TXNDC9: variants seen among roughly 807,000 people sequenced by gnomAD.
TXNDC9 encodes the protein thioredoxin domain containing 9, also known as thioredoxin domain-containing protein 9.
A neutral mutation model predicts 23.0 loss-of-function variants in TXNDC9; 7 were observed. That is an observed-to-expected ratio of 0.30 (90% confidence interval 0.17 to 0.57). The LOEUF (loss-of-function observed/expected upper bound fraction) is 0.57, where lower values mean the gene tolerates loss of function less well. Among genes scored for constraint, TXNDC9 ranks in the 20% least tolerant of loss-of-function variants. The pLI is 0.90. For missense variants in TXNDC9, 198 were observed against 252.6 expected, an observed-to-expected ratio of 0.78 and a Z score of 1.47; for synonymous variants, 72 against 90.6, an observed-to-expected ratio of 0.79 and a Z score of 1.17.
At chr2:99,306,855 C>G in the TXNDC9 span, 1 of 443,672 alleles carries the variant, frequency 2.3e-6, no homozygotes, top group Non-Finnish European at 4.5e-6. Flanking sequence ...TATGATCACT[C>G]TCATGCTACA....
chr2:99,330,271 C>G (rs1483181243), intron 2 of TXNDC9, among the ~76,000 whole-genome samples: 1 of 93,370 alleles, frequency 1.1e-5, no homozygotes, highest in Non-Finnish European at 1.9e-5. Context: ...GCCGGGGCAA[C>G]AGAGCAAGAC....
chr2:99,326,764 T>C lies in TXNDC9; in HGVS notation c.308+771A>G, dbSNP rs564071263. 1.1e-4 allele frequency among the ~76,000 whole-genome samples: 16 copies of C among 152,276 alleles called. No homozygotes were observed. In the East Asian group the frequency reaches 3.1e-3, roughly 29 times the overall value. On this transcript the variant is annotated intron_variant, in intron 3 of 4. Transcript: ENST00000264255. ...GTCCCAACTCTGCTCTGGTGAAAGG[T>C]TTGGCCAAGCCACCATCTCCCCACC...
chr2:99,330,123 C>G (rs2094221313), intron 2 of TXNDC9, among the ~76,000 whole-genome samples: 1 of 151,552 alleles, frequency 6.6e-6, no homozygotes, highest in African/African-American at 2.4e-5. Context: ...AACCCCACCT[C>G]TACTAAAAAT....
intron 1 of TXNDC9, among the ~76,000 whole-genome samples, chr2:99,334,791 T>A (rs572433393): frequency 9.3e-4 from 141 of 152,292 alleles, no homozygotes; most frequent in African/African-American, 3.3e-3. Flanking sequence ...CGCTCACTGC[T>A]AGCTCCGCCT....
chr2:99,313,729 C>A, the TXNDC9 span, among the ~76,000 whole-genome samples: 1 of 152,316 alleles, frequency 6.6e-6, no homozygotes, highest in South Asian at 2.1e-4. Flanking sequence ...CCACCCTGAC[C>A]TCTGCAGGGA....
the TXNDC9 span, among the ~76,000 whole-genome samples, chr2:99,307,953 T>C: frequency 6.6e-6 from 1 of 152,194 alleles, no homozygotes; most frequent in African/African-American, 2.4e-5. Context: ...TATAACAGTC[T>C]TATTTTCTCT....
intron 1 of TXNDC9, among the ~76,000 whole-genome samples, chr2:99,333,588 T>C (rs894922432): frequency 6.6e-6 from 1 of 152,198 alleles, no homozygotes; most frequent in African/African-American, 2.4e-5. Context: ...TGACAATCAG[T>C]GTTCTTTACC....
rs188413408 is a variant in TXNDC9 at position 99,327,693 on chromosome 2, T to A, written c.190-40A>T. 40 of 1,270,328 alleles carry A rather than the reference T, an allele frequency of 3.1e-5. No homozygotes were observed. In the South Asian group the frequency reaches 5.0e-4, roughly 16 times the overall value. 78.7% of individuals were successfully genotyped at this position (1,270,328 alleles called of 1,614,324 possible). ...GGCAAAACATTACACATGTGAGATA[T>A]CTCTTTCAGAACCACTTGACATTTT... On this transcript the variant is annotated intron_variant, in intron 2 of 4. Coordinates refer to ENST00000264255, the MANE Select transcript of TXNDC9 (RefSeq NM_005783.4).
intron 3 of TXNDC9, among the ~76,000 whole-genome samples, chr2:99,324,427 G>A (rs1016126857): frequency 3.9e-5 from 6 of 152,118 alleles, no homozygotes; most frequent in African/African-American, 1.4e-4. Flanking sequence ...GTTCAGTAAC[G>A]AGATTTCAGT....
chr2:99,332,722 C>T, intron 2 of TXNDC9: 1 of 278,824 alleles, frequency 3.6e-6, no homozygotes, highest in Non-Finnish European at 6.6e-6. Flanking sequence ...TTTAATATTA[C>T]CTGAAATGGA....
intron 3 of TXNDC9, among the ~76,000 whole-genome samples, chr2:99,322,969 G>A (rs1056474083): frequency 5.3e-5 from 8 of 152,026 alleles, no homozygotes; most frequent in Non-Finnish European, 1.2e-4. Flanking sequence ...CACTGTGTTA[G>A]CCAGGATGGT....
chr2:99,327,726 C>A, intron 2 of TXNDC9, 73 bp from the exon 3 acceptor site: 1 of 833,478 alleles, frequency 1.2e-6, no homozygotes, highest in Non-Finnish European at 1.9e-6. Context: ...TTTAAGTGTC[C>A]AAATCACCAT....
chr2:99,318,736 C>A (rs968419068), downstream of TXNDC9, among the ~76,000 whole-genome samples: 9 of 152,134 alleles, frequency 5.9e-5, no homozygotes, highest in African/African-American at 1.7e-4. Flanking sequence ...GTCTGATATT[C>A]CTGGGTTAGA....
chr2:99,327,498 T>C, intron 3 of TXNDC9, 37 bp downstream of exon 3: 1 of 1,439,344 alleles, frequency 6.9e-7, no homozygotes, highest in Non-Finnish European at 9.8e-7. Flanking sequence ...ATTCACTGTG[T>C]TTTTTTAGAA....
intron 3 of TXNDC9, among the ~76,000 whole-genome samples, chr2:99,327,002 T>C (rs181483481): frequency 9.7e-4 from 148 of 152,358 alleles, no homozygotes; most frequent in Admixed American, 2.3e-3. Flanking sequence ...AATATTGACT[T>C]TCAGTAATAT....
At chr2:99,308,149 A>C in the TXNDC9 span, among the ~76,000 whole-genome samples, 4 of 152,088 alleles carry the variant, frequency 2.6e-5, no homozygotes, top group Non-Finnish European at 4.4e-5. Context: ...GGAGTTCTGA[A>C]CTCTCAAAAA....
In TXNDC9 at chr2:99,333,060, T is replaced by G. The variant is rs1371657995; in HGVS notation, c.151A>C (p.Arg51=). ...EDELERLKEK[R]LQALRKAQQQ... ...TGAGCTTTCCTTAGTGCCTGGAGTC[T>G]CTTTTCTTTAAGGCGTTCCAATTCA... The change falls in exon 2 of 5, where the codon AGA becomes CGA. Residue 51 remains arginine, a synonymous_variant. Transcript: ENST00000264255. 6.2e-7 allele frequency: 1 copy of G among 1,614,068 alleles called. No homozygotes were observed. The highest frequency in any genetic ancestry group is 8.5e-7 in the Non-Finnish European group (1 of 1,180,050).
chr2:99,322,757 CTTT>C lies in TXNDC9; in HGVS notation c.309-551_309-549del, dbSNP rs1559234090. On this transcript the variant is annotated intron_variant, in intron 3 of 4. Coordinates refer to ENST00000264255, the MANE Select transcript of TXNDC9 (RefSeq NM_005783.4). Reference sequence around the variant, plus strand: ...GGAAATTAAAAAATACCAGTAGTAACTTTTTTATTTTTTATTTTTTTGGAGGTG... The same window carrying C: ...GGAAATTAAAAAATACCAGTAGTAACTTTATTTTTTATTTTTTTGGAGGTG... 3 of 1,367,066 alleles carry C rather than the reference CTTT, an allele frequency of 2.2e-6. No individual in the cohort carries two copies. In the African/African-American group the frequency reaches 4.5e-5, roughly 20 times the overall value. 84.7% of individuals were successfully genotyped at this position (1,367,066 alleles called of 1,614,324 possible).
chr2:99,322,658 C>A, intron 3 of TXNDC9: 1 of 1,538,484 alleles, frequency 6.5e-7, no homozygotes, highest in Non-Finnish European at 8.7e-7. Flanking sequence ...AAATATGCAA[C>A]GCTGTCAGTA....
Sources: gnomAD v4.1 joint callset for allele counts (sites outside exome capture counted in the v4.1 genomes callset) on GRCh38, gnomAD v4.1.1 for gene constraint, MANE v1.5 for transcripts, NCBI Gene and HGNC (gene_info 2026-07-23, HGNC 2026-07-21) for gene names.